Variants in ALKBH1 observed in about 807,000 individuals in gnomAD.
ALKBH1 encodes the protein nucleic acid dioxygenase ALKBH1.
A neutral mutation model predicts 36.6 loss-of-function variants in ALKBH1; 31 were observed. The ratio of observed to expected loss-of-function variants is 0.85; its 90% CI spans 0.64 to 1.14. The LOEUF (loss-of-function observed/expected upper bound fraction) is 1.14, where lower values mean the gene tolerates loss of function less well. Among genes scored for constraint, ALKBH1 ranks in the 50% most tolerant of loss-of-function variants. The pLI, the probability that ALKBH1 is intolerant of heterozygous loss-of-function variation, is 0.00. For missense variants in ALKBH1, 490 were observed against 497.3 expected (o/e 0.99, Z 0.14); for synonymous variants, 183 against 186.6 (o/e 0.98, Z 0.16).
chr14:77,683,127 G>A lies in ALKBH1; in HGVS notation c.456-3157C>T, dbSNP rs894807001. 1.1e-5 allele frequency: 6 copies of A among 534,930 alleles called. No homozygotes were observed. In the African/African-American group the frequency reaches 1.2e-4, roughly 10 times the overall value. The allele number at this position is 534,930 out of a possible 1,614,324, so 33.1% of individuals were successfully genotyped here. A position where few individuals can be genotyped will look rare whatever the true frequency, so the allele number is the denominator to read the frequency against. ...CTGACCTCCCAGAGTGCTAAGTGAG[G>A]CATCACACCAAGCTGTAAAGTCTTT... On this transcript the variant is annotated intron_variant, in intron 3 of 5. Transcript: ENST00000216489.
intron 2 of ALKBH1, among the ~76,000 whole-genome samples, chr14:77,703,632 T>C (rs1357030388): frequency 8.3e-6 from 1 of 120,826 alleles, no homozygotes; most frequent in Non-Finnish European, 1.7e-5. Context: ...AGTTTCCCCC[T>C]TATTGCCTAG....
At position 77,705,411 on chromosome 14, in the gene ALKBH1, GAAA is replaced by G. The variant is rs56123313; in HGVS notation, c.184-937_184-935del. On this transcript the variant is annotated intron_variant, in intron 1 of 5. Coordinates refer to ENST00000216489, the MANE Select transcript of ALKBH1 (RefSeq NM_006020.3). ...AGGAACAGAGCAAGACTCCGTCTAA[GAAA>G]AAAAAAAAAAAAAAAAAAGAGAATG... Among the ~76,000 whole-genome samples the G allele has an allele frequency of 3.2e-3, 364 of 113,370 alleles. 1 individual carries two copies. The highest frequency in any genetic ancestry group is 9.5e-3 in the African/African-American group (278 of 29,364). 74.4% of individuals were successfully genotyped at this position (113,370 alleles called of 152,430 possible).
intron 3 of ALKBH1, among the ~76,000 whole-genome samples, chr14:77,693,348 C>A (rs1257660474): frequency 6.6e-6 from 1 of 152,112 alleles, no homozygotes; most frequent in African/African-American, 2.4e-5. Context: ...CAAGCCCAGA[C>A]CCAAATTGTA....
chr14:77,682,676 T>C (rs1236330342), intron 3 of ALKBH1, among the ~76,000 whole-genome samples: 2 of 152,108 alleles, frequency 1.3e-5, no homozygotes, highest in Non-Finnish European at 2.9e-5. Context: ...ACCCTGAGTA[T>C]CTAAATGGCA....
chr14:77,706,891 T>A (rs2080395643), intron 1 of ALKBH1, among the ~76,000 whole-genome samples: 1 of 152,152 alleles, frequency 6.6e-6, no homozygotes, highest in African/African-American at 2.4e-5. Context: ...TCAGAGCTGT[T>A]AGGAAGCTTG....
At chr14:77,707,334 C>T (rs1409733663) in intron 1 of ALKBH1, among the ~76,000 whole-genome samples, 1 of 152,200 alleles carries the variant, frequency 6.6e-6, no homozygotes, top group African/African-American at 2.4e-5. Flanking sequence ...TTATTTTCAA[C>T]ACGGAGGGAT....
intron 3 of ALKBH1, among the ~76,000 whole-genome samples, chr14:77,685,671 C>G (rs918220352): frequency 1.3e-5 from 2 of 150,050 alleles, no homozygotes; most frequent in African/African-American, 4.9e-5. Flanking sequence ...CCCAGCTACT[C>G]GGGAGGCTGA....
At chr14:77,675,443 C>A (rs954158434) in intron 5 of ALKBH1, among the ~76,000 whole-genome samples, 2 of 145,614 alleles carry the variant, frequency 1.4e-5, no homozygotes, top group South Asian at 2.1e-4. Context: ...CAAAAAAAAA[C>A]AATAATAAAA....
chr14:77,673,852 T>C lies in ALKBH1; in HGVS notation c.1130A>G (p.Asn377Ser). 6.2e-7 allele frequency: 1 copy of C among 1,614,230 alleles called. No individual in the cohort carries two copies. The change falls in exon 6 of 6, where the codon AAT (asparagine) becomes AGT (serine). Residue 377 changes from asparagine to serine, a missense_variant. Transcript: ENST00000216489. ...TEGFCHLDDQ[N>S]SEVKRARINP... Reference sequence around the variant, plus strand: ...TATCCTGGCCCGTTTTACTTCGCTATTCTGGTCATCCAGATGGCAGAAACC... The same window carrying C: ...TATCCTGGCCCGTTTTACTTCGCTACTCTGGTCATCCAGATGGCAGAAACC...
chr14:77,677,144 A>C (rs2080210826), intron 4 of ALKBH1, among the ~76,000 whole-genome samples: 1 of 151,774 alleles, frequency 6.6e-6, no homozygotes, highest in Non-Finnish European at 1.5e-5. Flanking sequence ...GATTCAAGTG[A>C]TTCTCTTGCC....
At position 77,675,603 on chromosome 14, in the gene ALKBH1, GA is replaced by G. The variant is rs3837644; in HGVS notation, c.740+52del. 1.7e-4 allele frequency: 252 copies of G among 1,497,714 alleles called. 3 individuals are homozygous for G. The East Asian group carries it at 5.7e-3, about 34-fold the overall frequency. 92.8% of individuals were successfully genotyped at this position (1,497,714 alleles called of 1,614,324 possible). On this transcript the variant is annotated intron_variant, in intron 5 of 5. Coordinates refer to ENST00000216489, the MANE Select transcript of ALKBH1 (RefSeq NM_006020.3). ...ATTTATTTTAGAGTAAAATGTCTTA[GA>G]AAAAAGAATTAAATGATAAAAAGTA... is the stretch of plus-strand genomic sequence containing the variant.
At chr14:77,679,804 G>A (rs1400349964) in intron 4 of ALKBH1, 76 bp downstream of exon 4, 1 of 1,098,894 alleles carries the variant, frequency 9.1e-7, no homozygotes, top group Admixed American at 2.0e-5. Context: ...CTTAAGCGTG[G>A]TTAGGAAGAA....
intron 3 of ALKBH1, among the ~76,000 whole-genome samples, chr14:77,690,894 C>T (rs1317180772): frequency 1.2e-4 from 19 of 152,210 alleles, no homozygotes; most frequent in Non-Finnish European, 2.6e-4. Context: ...CTCCGCCTCC[C>T]GGGTTCAAGT....
At chr14:77,702,615 G>A (rs2139866138) in intron 2 of ALKBH1, among the ~76,000 whole-genome samples, 1 of 152,232 alleles carries the variant, frequency 6.6e-6, no homozygotes, top group Non-Finnish European at 1.5e-5. Flanking sequence ...TAGAAAAAAG[G>A]TTAATAACAT....
At chr14:77,706,101 A>ACT (rs1304965627) in intron 1 of ALKBH1, among the ~76,000 whole-genome samples, 1 of 118,098 alleles carries the variant, frequency 8.5e-6, no homozygotes, top group East Asian at 2.2e-4. Flanking sequence ...ATATATACAC[A>ACT]CACACATATA....
In ALKBH1 at chr14:77,704,360, T is replaced by G. The variant is rs1420850483; in HGVS notation, c.292+9A>C. On this transcript the variant is annotated intron_variant, in intron 2 of 5. Coordinates refer to ENST00000216489, the MANE Select transcript of ALKBH1 (RefSeq NM_006020.3). ...TGATATTGCCTTCTCTGAGGTCAGTTACACTCACCAGGATAGCCTTTGAGT... is the reference window on the plus strand; with the variant it reads ...TGATATTGCCTTCTCTGAGGTCAGTGACACTCACCAGGATAGCCTTTGAGT... 1 of 1,594,114 alleles carries G rather than the reference T, an allele frequency of 6.3e-7. No homozygotes were observed. The highest frequency in any genetic ancestry group is 1.7e-5 in the Admixed American group (1 of 60,002).
At chr14:77,697,249 C>CA (rs1325378776) in intron 2 of ALKBH1, 1 of 154,838 alleles carries the variant, frequency 6.5e-6, no homozygotes, top group East Asian at 1.9e-4. Flanking sequence ...TCCAGGAGTT[C>CA]AAAATCTGTG....
chr14:77,679,880 C>T lies in ALKBH1; in HGVS notation c.546G>A (p.Lys182=), dbSNP rs1223241514. 3 of 1,613,046 alleles carry T rather than the reference C, an allele frequency of 1.9e-6. No homozygotes were observed. The highest frequency in any genetic ancestry group is 1.7e-5 in the Admixed American group (1 of 60,004). ...TVGYHYNWDS[K]KYSADHYTPF... The stretch of plus-strand genomic sequence containing the variant: ...AAAAGAATTAAGAAAACCTGAATAC[C>T]TTACTGTCCCAGTTATAATGGTAGC... Residue 182 remains lysine (K), a splice_region_variant and synonymous_variant, in exon 4 of 6, where the codon AAG becomes AAA. Transcript: ENST00000216489.
chr14:77,706,106 C>CACACACATATAT (rs141205240), intron 1 of ALKBH1, among the ~76,000 whole-genome samples: 1 of 150,700 alleles, frequency 6.6e-6, no homozygotes, highest in Non-Finnish European at 1.5e-5. Flanking sequence ...TACACACACA[C>CACACACATATAT]ATATATATAT....
Sources: gnomAD v4.1 joint callset for allele counts (sites outside exome capture counted in the v4.1 genomes callset) on GRCh38, gnomAD v4.1.1 for gene constraint, MANE v1.5 for transcripts, NCBI Gene and HGNC (gene_info 2026-07-23, HGNC 2026-07-21) for gene names.